The following AGTPBP1 variants were observed in gnomAD, a reference collection of about 807,000 sequenced individuals.
AGTPBP1 encodes the protein ATP/GTP binding carboxypeptidase 1, also known as cytosolic carboxypeptidase 1.
In AGTPBP1, 70 loss-of-function variants were observed where a neutral mutation model predicts 143.9. That is an observed-to-expected ratio of 0.49 (90% CI 0.40 to 0.59). The LOEUF (loss-of-function observed/expected upper bound fraction) is 0.59. AGTPBP1 is among the 20% of genes least tolerant of loss of function. The pLI is 0.00. For synonymous variants in AGTPBP1, 463 were observed against 500.2 expected (o/e 0.93, Z 0.99); for missense variants, 1,229 against 1,464.5 (o/e 0.84, Z 2.62).
intron 3 of AGTPBP1, among the ~76,000 whole-genome samples, chr9:85,684,466 A>C (rs1163637090): frequency 1.3e-5 from 2 of 151,646 alleles, no homozygotes; most frequent in East Asian, 3.9e-4. Flanking sequence ...GTTCCCTCTC[A>C]ACCAATAAAT....
At chr9:85,650,408 C>T (rs1833087852) in intron 11 of AGTPBP1, among the ~76,000 whole-genome samples, 1 of 152,122 alleles carries the variant, frequency 6.6e-6, no homozygotes, top group Non-Finnish European at 1.5e-5. Context: ...TTTATGAAAA[C>T]CACCTCCACT....
At chr9:85,642,560 C>T (rs1226326304) in intron 13 of AGTPBP1, among the ~76,000 whole-genome samples, 4 of 151,752 alleles carry the variant, frequency 2.6e-5, no homozygotes, top group Non-Finnish European at 5.9e-5. Flanking sequence ...TCTTGATCTC[C>T]TGACCTCGTG....
upstream of AGTPBP1, among the ~76,000 whole-genome samples, chr9:85,742,202 G>T (rs911169186): frequency 6.6e-6 from 1 of 152,070 alleles, no homozygotes; most frequent in African/African-American, 2.4e-5. Flanking sequence ...AATTAGGGGC[G>T]GGTGTTCCGC....
intron 25 of AGTPBP1, among the ~76,000 whole-genome samples, chr9:85,568,936 T>C (rs931867122): frequency 1.3e-5 from 2 of 152,058 alleles, no homozygotes; most frequent in African/African-American, 4.8e-5. Context: ...CATAAGCAAG[T>C]TGGAAGATGG....
At chr9:85,777,762 G>A in the AGTPBP1 span, among the ~76,000 whole-genome samples, 6 of 152,258 alleles carry the variant, frequency 3.9e-5, no homozygotes, top group East Asian at 1.2e-3. Context: ...CCAAGTCCCT[G>A]ACCATCCAGC....
intron 25 of AGTPBP1, among the ~76,000 whole-genome samples, chr9:85,557,488 C>G (rs1197761718): frequency 6.6e-6 from 1 of 152,142 alleles, no homozygotes; most frequent in Non-Finnish European, 1.5e-5. Context: ...AGAAAAATCT[C>G]AGTAGTAATT....
intron 11 of AGTPBP1, among the ~76,000 whole-genome samples, chr9:85,651,412 T>C (rs1320655997): frequency 6.6e-6 from 1 of 152,230 alleles, no homozygotes; most frequent in Non-Finnish European, 1.5e-5. Flanking sequence ...AATCTATCAA[T>C]ATAAATTTTA....
intron 25 of AGTPBP1, among the ~76,000 whole-genome samples, chr9:85,563,961 C>T (rs1243581150): frequency 6.6e-6 from 1 of 152,230 alleles, no homozygotes; most frequent in African/African-American, 2.4e-5. Context: ...TCCATGTGTG[C>T]TGTCTCTGCT....
At chr9:85,618,184 A>T (rs983630363) in intron 17 of AGTPBP1, among the ~76,000 whole-genome samples, 1 of 151,826 alleles carries the variant, frequency 6.6e-6, no homozygotes, top group African/African-American at 2.4e-5. Context: ...AGTGGGCCAC[A>T]ATCACACCAC....
chr9:85,777,413 G>A, the AGTPBP1 span, among the ~76,000 whole-genome samples: 5 of 152,172 alleles, frequency 3.3e-5, no homozygotes, highest in Admixed American at 1.3e-4. Context: ...GTTGGTCTCT[G>A]CTGCTGGCAA....
the AGTPBP1 span, among the ~76,000 whole-genome samples, chr9:85,804,089 T>C: frequency 1.3e-5 from 2 of 152,144 alleles, no homozygotes; most frequent in Non-Finnish European, 2.9e-5. Context: ...ACCTCTGATT[T>C]CTGCTTCCCT....
the AGTPBP1 span, among the ~76,000 whole-genome samples, chr9:85,794,058 G>C: frequency 6.6e-6 from 1 of 152,098 alleles, no homozygotes; most frequent in Non-Finnish European, 1.5e-5. Context: ...ATTACTTATG[G>C]AGAGAGTAAA....
chr9:85,692,399 G>A (rs984324658), intron 3 of AGTPBP1, among the ~76,000 whole-genome samples: 7 of 151,302 alleles, frequency 4.6e-5, no homozygotes, highest in Non-Finnish European at 7.4e-5. Flanking sequence ...TCAGCCTCCC[G>A]AGTAACTGGG....
At position 85,574,342 on chromosome 9, in the gene AGTPBP1, G is replaced by C. The variant is rs577154902; in HGVS notation, c.3503+973C>G. Among the ~76,000 whole-genome samples, 14 of 152,088 alleles carry C rather than the reference G, an allele frequency of 9.2e-5. 1 individual carries two copies. The South Asian group carries it at 1.5e-3, about 16-fold the overall frequency. On this transcript the variant is annotated intron_variant, in intron 25 of 25. Coordinates refer to ENST00000357081, the MANE Select transcript of AGTPBP1 (RefSeq NM_001330701.2). The stretch of plus-strand genomic sequence containing the variant: ...AGGGACACAAACACTGCGGAGGGCC[G>C]CAGGGTCCTCTGCCTAGGAAAACCA...
At chr9:85,611,381 T>C (rs1830310567) in intron 17 of AGTPBP1, among the ~76,000 whole-genome samples, 1 of 150,962 alleles carries the variant, frequency 6.6e-6, no homozygotes, top group Non-Finnish European at 1.5e-5. Context: ...AAAGCAAACA[T>C]ACATCAAGCA....
At chr9:85,735,586 GATC>G (rs879672629) in intron 1 of AGTPBP1, among the ~76,000 whole-genome samples, 6 of 151,966 alleles carry the variant, frequency 3.9e-5, no homozygotes, top group Non-Finnish European at 5.9e-5. Flanking sequence ...TTTTTTTAAA[GATC>G]AAAATATGAA....
chr9:85,776,952 G>A, the AGTPBP1 span, among the ~76,000 whole-genome samples: 2 of 152,174 alleles, frequency 1.3e-5, no homozygotes, highest in East Asian at 3.8e-4. Flanking sequence ...CTGATGCAGA[G>A]CATACACGGC....
chr9:85,560,695 C>A (rs1293835584), intron 25 of AGTPBP1, among the ~76,000 whole-genome samples: 2 of 151,972 alleles, frequency 1.3e-5, no homozygotes, highest in African/African-American at 2.4e-5. Flanking sequence ...TGTCAGATAA[C>A]ACCCAGTTAA....
chr9:85,550,084 C>G (rs1825945536), intron 25 of AGTPBP1, among the ~76,000 whole-genome samples: 1 of 152,058 alleles, frequency 6.6e-6, no homozygotes, highest in Non-Finnish European at 1.5e-5. Context: ...ATGGGCCCAC[C>G]AGTGCTAGCT....
Sources: allele counts gnomAD v4.1 joint callset (sites outside exome capture counted in the v4.1 genomes callset), GRCh38; gene constraint gnomAD v4.1.1; transcripts MANE v1.5; gene names NCBI Gene and HGNC (gene_info 2026-07-23, HGNC 2026-07-21).